The following IGSF9B variants were observed in gnomAD, a reference collection of about 807,000 sequenced individuals.
The protein encoded by IGSF9B is protein turtle homolog B.
Under a neutral mutation model 143.7 loss-of-function variants are expected in IGSF9B, and 48 were observed. The observed-to-expected ratio is 0.33, with a 90% confidence interval of 0.26 to 0.42. The LOEUF (loss-of-function observed/expected upper bound fraction) is 0.42. Among genes scored for constraint, IGSF9B ranks in the 20% least tolerant of loss-of-function variants. The pLI is 1.00. For missense variants in IGSF9B, 1,706 were observed against 1,980.0 expected (o/e 0.86, Z 2.63); for synonymous variants, 903 against 833.1 (o/e 1.08, Z -1.44).
rs377734330 is a variant in IGSF9B at position 133,925,975 on chromosome 11, G to A, written c.1808-10C>T. Reference sequence around the variant, plus strand: ...GTTGTAATAGGGAATGCTGCGGCGGGGGAAGGAGAAGAACCACAGCGCATC... The same window carrying A: ...GTTGTAATAGGGAATGCTGCGGCGGAGGAAGGAGAAGAACCACAGCGCATC... On this transcript the variant is annotated splice_polypyrimidine_tract_variant and intron_variant, in intron 13 of 19. Coordinates refer to ENST00000533871, the MANE Select transcript of IGSF9B (RefSeq NM_001277285.4). The A allele has an allele frequency of 6.4e-6, 10 of 1,568,536 alleles. No individual in the cohort carries two copies. The highest frequency in any genetic ancestry group is 8.7e-6 in the Non-Finnish European group (10 of 1,153,606).
intron 3 of IGSF9B, among the ~76,000 whole-genome samples, chr11:133,938,655 C>T (rs941442923): frequency 1.3e-5 from 2 of 152,158 alleles, no homozygotes; most frequent in South Asian, 2.1e-4. Flanking sequence ...AGAAGCAATC[C>T]GGTCAATCTT....
chr11:133,938,668 C>A (rs905378284), intron 3 of IGSF9B, among the ~76,000 whole-genome samples: 6 of 152,292 alleles, frequency 3.9e-5, no homozygotes, highest in African/African-American at 1.4e-4. Flanking sequence ...TCAATCTTAA[C>A]CCCTTGGACT....
Position 133,920,743 on chromosome 11 carries a change from G to A in IGSF9B, c.2982C>T (p.Ser994=), listed in dbSNP as rs371747389. The change falls in exon 18 of 20, where the codon TCC becomes TCT. Residue 994 remains serine (S), a synonymous_variant. Transcript: ENST00000533871. ...TGGGCAGGGGCGGGGACGACATGAC[G>A]GAGCTCAGGGGGCTGCCCACTTCTG... ...YVPEVGSPLS[S]VMSSPPLPTE... The A allele has an allele frequency of 4.3e-5, 69 of 1,612,888 alleles. No individual in the cohort carries two copies. In the African/African-American group the frequency reaches 6.3e-4, roughly 15 times the overall value.
At chr11:133,956,655 G>A in intron 1 of IGSF9B, 36 bp downstream of exon 1, 5 of 1,450,592 alleles carry the variant, frequency 3.4e-6, no homozygotes, top group Admixed American at 2.1e-5. Context: ...GAGGGCGCCG[G>A]GAGGGGCAGG....
Position 133,898,060 on chromosome 11 carries a change from A to G in IGSF9B, c.*11009T>C, listed in dbSNP as rs567687441. On this transcript the variant is annotated 3_prime_UTR_variant, in exon 20 of 20. Coordinates refer to ENST00000533871, the MANE Select transcript of IGSF9B (RefSeq NM_001277285.4). ...AGTGGGAGGAAGGAGATTCAGCCCA[A>G]CTGGCCTCTTCGAGAACAGCACCAT... 8 of 152,354 alleles carry G rather than the reference A, an allele frequency of 5.3e-5. No individual in the cohort carries two copies. Among genetic ancestry groups the G allele is most frequent in the Non-Finnish European group, 8.8e-5 (6 of 68,040 alleles). 9.4% of individuals were successfully genotyped at this position (152,354 alleles called of 1,614,324 possible). A position where few individuals can be genotyped will look rare whatever the true frequency, so the allele number is the denominator to read the frequency against.
rs372495401 is a variant in IGSF9B, at chr11:133,920,278, G to A, written c.3447C>T (p.Tyr1149=). ...SQGMGIPVLP[Y]PEPAEPGAHG... Reference sequence around the variant, plus strand: ...GCGCCCCCGGCTCAGCCGGCTCGGGGTAAGGCAGCACAGGTATGCCCATGC... The same window carrying A: ...GCGCCCCCGGCTCAGCCGGCTCGGGATAAGGCAGCACAGGTATGCCCATGC... Residue 1149 remains tyrosine (Y), a synonymous_variant, in exon 18 of 20, where the codon TAC becomes TAT. Transcript: ENST00000533871. 7.6e-4 allele frequency: 1,162 copies of A among 1,529,214 alleles called. 6 individuals are homozygous for A. The African/African-American group carries it at 0.013, about 17-fold the overall frequency. The allele number at this position is 1,529,214 out of a possible 1,614,324, so 94.7% of individuals were successfully genotyped here.
intron 19 of IGSF9B, among the ~76,000 whole-genome samples, chr11:133,910,523 C>T (rs986272513): frequency 3.3e-5 from 5 of 152,186 alleles, no homozygotes; most frequent in African/African-American, 1.2e-4. Flanking sequence ...CCTGACACCC[C>T]AGTGGGTACC....
chr11:133,922,124 T>A, intron 17 of IGSF9B, 53 bp downstream of exon 17: 1 of 1,505,180 alleles, frequency 6.6e-7, no homozygotes, highest in Non-Finnish European at 9.2e-7. Flanking sequence ...GCGGTCTACC[T>A]ATGCGCCCCC....
intron 3 of IGSF9B, 88 bp from the exon 4 acceptor site, chr11:133,938,049 G>T: frequency 7.1e-7 from 1 of 1,413,666 alleles, no homozygotes; most frequent in Non-Finnish European, 9.8e-7. Context: ...CATCACCCTC[G>T]CTGCGGCTCT....
In IGSF9B at chr11:133,948,670, G is replaced by C. The variant is rs1424611782; in HGVS notation, c.65-2412C>G. 6.8e-6 allele frequency among the ~76,000 whole-genome samples: 1 copy of C among 148,026 alleles called. No homozygotes were observed. Among genetic ancestry groups the C allele is most frequent in the Non-Finnish European group, 1.5e-5 (1 of 67,194 alleles). On this transcript the variant is annotated intron_variant, in intron 1 of 19. Coordinates refer to ENST00000533871, the MANE Select transcript of IGSF9B (RefSeq NM_001277285.4). This position sits in a 1 kb window ranked among gnomAD's most constrained non-coding sequence, Gnocchi z 4.7. ...GTGTGTGTGTGTGTGTGTGTCTACA[G>C]CACACACCTGTGAGGAGATAAGAAA...
rs1276632262 is a variant in IGSF9B at position 133,902,375 on chromosome 11, CACACA to C, written c.*6689_*6693del. Among the ~76,000 whole-genome samples, 8 of 145,126 alleles carry C rather than the reference CACACA, an allele frequency of 5.5e-5. No homozygotes were observed. The South Asian group carries it at 1.8e-3, about 33-fold the overall frequency. On this transcript the variant is annotated 3_prime_UTR_variant, in exon 20 of 20. Coordinates refer to ENST00000533871, the MANE Select transcript of IGSF9B (RefSeq NM_001277285.4). ...ACACAACCACACAATAGACACACCACACACAACACACCACACAATACGCACAACAC... is the reference window on the plus strand; with the variant it reads ...ACACAACCACACAATAGACACACCACACACACCACACAATACGCACAACAC...
chr11:133,921,156 G>A lies in IGSF9B; in HGVS notation c.2569C>T (p.Arg857Cys), dbSNP rs1033824782. 18 of 1,612,254 alleles carry A rather than the reference G, an allele frequency of 1.1e-5. No homozygotes were observed. Among genetic ancestry groups the A allele is most frequent in the South Asian group, 2.2e-5 (2 of 91,046 alleles). The change falls in exon 18 of 20, where the codon CGC becomes TGC. Residue 857 changes from arginine (R) to cysteine (C), a missense_variant. Physicochemically the swap from Arg to Cys is radical, Grantham distance 180. Around this residue, in one of 7 missense-constraint regions of IGSF9B, gnomAD observed 135 missense variants for 181.3 expected, o/e 0.74. Coordinates refer to ENST00000533871, the MANE Select transcript of IGSF9B (RefSeq NM_001277285.4). ...IELISRGPDGRFVMDPAEMEP... is the reference protein window; with the variant it reads ...IELISRGPDGCFVMDPAEMEP... ...ATCTCGGCAGGGTCCATCACGAAGC[G>A]GCCGTCAGGGCCTCTGCTGATGAGC...
At chr11:133,930,358 G>A (rs375138271) in intron 11 of IGSF9B, among the ~76,000 whole-genome samples, 2 of 152,188 alleles carry the variant, frequency 1.3e-5, no homozygotes, top group African/African-American at 4.8e-5. Context: ...CACCTCCCGA[G>A]TTGTGAAGGA....
chr11:133,922,156 C>T (rs767208646), intron 17 of IGSF9B, 21 bp downstream of exon 17: 1 of 1,609,556 alleles, frequency 6.2e-7, no homozygotes, highest in Middle Eastern at 1.7e-4. Context: ...GCACAATTCT[C>T]CCAGGATCTG....
rs1323992699 is a variant in IGSF9B, at chr11:133,928,176, C to T, written c.1632-1085G>A. ...CCCATCGTATGCCCAGACCTCCCACCCAGGCATCTCCAAAGACAGCTTGAC... is the reference window on the plus strand; with the variant it reads ...CCCATCGTATGCCCAGACCTCCCACTCAGGCATCTCCAAAGACAGCTTGAC... On this transcript the variant is annotated intron_variant, in intron 12 of 19. Coordinates refer to ENST00000533871, the MANE Select transcript of IGSF9B (RefSeq NM_001277285.4). The surrounding 1 kb of genome is among the most constrained non-coding windows in gnomAD (Gnocchi z 4.7). Among the ~76,000 whole-genome samples the T allele has an allele frequency of 1.3e-5, 2 of 152,102 alleles. No homozygotes were observed. The highest frequency in any genetic ancestry group is 4.8e-5 in the African/African-American group (2 of 41,418).
chr11:133,929,538 G>A lies in IGSF9B; in HGVS notation c.1631+133C>T. 17 of 647,106 alleles carry A rather than the reference G, an allele frequency of 2.6e-5. No individual in the cohort carries two copies. The South Asian group carries it at 3.1e-4, about 12-fold the overall frequency. The allele number at this position is 647,106 out of a possible 1,614,324, so 40.1% of individuals were successfully genotyped here. On this transcript the variant is annotated intron_variant, in intron 12 of 19. Transcript: ENST00000533871. ...CTCATCACTGTCTCAACCCACCTCA[G>A]TCTGTGCAGGGCTGGCAGGCCAGGA...
chr11:133,937,634 GC>G, intron 4 of IGSF9B, 141 bp from the exon 5 acceptor site: 2 of 1,001,618 alleles, frequency 2.0e-6, no homozygotes, highest in Admixed American at 2.4e-5. Flanking sequence ...AAGGGCAGGT[GC>G]CCCCTTGCCC....
intron 5 of IGSF9B, among the ~76,000 whole-genome samples, chr11:133,936,416 T>C (rs1939824865): frequency 6.6e-6 from 1 of 151,370 alleles, no homozygotes; most frequent in Non-Finnish European, 1.5e-5. Flanking sequence ...GCACACCCCC[T>C]TCCTGCCTGC....
In IGSF9B at chr11:133,905,220, T is replaced by TTA. The variant is rs897616729; in HGVS notation, c.*3847_*3848dup. ...TCTCTACAGATTAATAAAATGTACT[T>TTA]TATGTACAATTCTTCCCCCACCCCA... On this transcript the variant is annotated 3_prime_UTR_variant, in exon 20 of 20. Transcript: ENST00000533871. The surrounding 1 kb of genome is among the most constrained non-coding windows in gnomAD (Gnocchi z 4.0). Among the ~76,000 whole-genome samples the TTA allele has an allele frequency of 1.3e-5, 2 of 152,046 alleles. No homozygotes were observed. Among genetic ancestry groups the TTA allele is most frequent in the African/African-American group, 4.8e-5 (2 of 41,350 alleles).
Sources: allele counts gnomAD v4.1 joint callset (sites outside exome capture counted in the v4.1 genomes callset), GRCh38; gene constraint gnomAD v4.1.1; regional missense constraint gnomAD v4.1.1; non-coding constraint Gnocchi (gnomAD v3.1); transcripts MANE v1.5; gene names NCBI Gene and HGNC (gene_info 2026-07-23, HGNC 2026-07-21).